SLC35F4: variants seen among roughly 807,000 people sequenced by gnomAD.
SLC35F4 encodes the protein chromosome 14 open reading frame 36.
A neutral mutation model predicts 44.2 loss-of-function variants in SLC35F4; 24 were observed. The observed-to-expected ratio is 0.54, with a 90% CI of 0.39 to 0.76. SLC35F4 has a LOEUF of 0.76. SLC35F4 is among the 30% of genes least tolerant of loss of function. SLC35F4 has a pLI of 0.00. For missense variants in SLC35F4, 562 were observed against 586.1 expected, an observed-to-expected ratio of 0.96 and a Z score of 0.42; for synonymous variants, 238 against 223.6, an observed-to-expected ratio of 1.06 and a Z score of -0.57.
chr14:57,867,596 C>G (rs1888203359), upstream of SLC35F4, among the ~76,000 whole-genome samples: 1 of 109,864 alleles, frequency 9.1e-6, no homozygotes, highest in East Asian at 5.5e-4. Context: ...AGCGTTATGC[C>G]TTTACACCCC....
At position 57,722,563 on chromosome 14, in the gene SLC35F4, T is replaced by C. The variant is rs149735005; in HGVS notation, c.104-128439A>G. On this transcript the variant is annotated intron_variant, in intron 1 of 7. Transcript: ENST00000556826. ...CAGTCACTCAACTACAAAATTTAAC[T>C]GCAATGGGAGTAATTGGATCCCATG... Among the ~76,000 whole-genome samples, 1,499 of 152,282 alleles carry C rather than the reference T, an allele frequency of 9.8e-3. 5 individuals are homozygous for C. Among genetic ancestry groups the C allele is most frequent in the Middle Eastern group, 0.041 (12 of 294 alleles).
At chr14:57,617,013 T>G (rs1197891734) in intron 1 of SLC35F4, among the ~76,000 whole-genome samples, 6 of 152,166 alleles carry the variant, frequency 3.9e-5, no homozygotes, top group Admixed American at 1.3e-4. Flanking sequence ...ACAGCGTGAA[T>G]GTTAAGTCAG....
At chr14:57,793,507 G>T (rs932063235) in intron 1 of SLC35F4, among the ~76,000 whole-genome samples, 3 of 151,998 alleles carry the variant, frequency 2.0e-5, no homozygotes, top group African/African-American at 4.8e-5. Flanking sequence ...TTGGTTTTCT[G>T]TTCCTGAGTT....
chr14:57,690,728 C>T (rs927716818), intron 1 of SLC35F4, among the ~76,000 whole-genome samples: 2 of 151,896 alleles, frequency 1.3e-5, no homozygotes, highest in African/African-American at 2.4e-5. Flanking sequence ...ATGGGAGACA[C>T]TGACAGATCA....
At chr14:57,903,337 C>A (rs140720958) in intron 1 of SLC35F4, among the ~76,000 whole-genome samples, 2 of 152,154 alleles carry the variant, frequency 1.3e-5, no homozygotes, top group African/African-American at 4.8e-5. Flanking sequence ...TTGCTAAAGG[C>A]AAGCCAGACC....
chr14:57,718,066 T>C lies in SLC35F4; in HGVS notation c.104-123942A>G, dbSNP rs1025621251. The stretch of plus-strand genomic sequence containing the variant: ...TCTGGTAACCACCCTTTATTCTCTA[T>C]CTCCATGAATTCAATTGTTTTGATT... On this transcript the variant is annotated intron_variant, in intron 1 of 7. Coordinates refer to ENST00000556826, the MANE Select transcript of SLC35F4 (RefSeq NM_001306087.2). Among the ~76,000 whole-genome samples the C allele has an allele frequency of 7.2e-5, 11 of 152,302 alleles. No homozygotes were observed. The South Asian group carries it at 2.3e-3, about 32-fold the overall frequency.
At chr14:57,973,942 T>C (rs1276026851), downstream of SLC35F4, among the ~76,000 whole-genome samples, 1 of 152,134 alleles carries the variant, frequency 6.6e-6, no homozygotes, top group African/African-American at 2.4e-5. Context: ...ACTATCACCA[T>C]CACTCTCCAA....
chr14:57,747,554 C>A (rs373469581), intron 1 of SLC35F4, among the ~76,000 whole-genome samples: 2 of 152,118 alleles, frequency 1.3e-5, no homozygotes, highest in Non-Finnish European at 2.9e-5. Flanking sequence ...CAATTGGCAA[C>A]CCTTGGGCAA....
chr14:57,786,786 C>T (rs1389878406), intron 1 of SLC35F4, among the ~76,000 whole-genome samples: 1 of 152,142 alleles, frequency 6.6e-6, no homozygotes, highest in Non-Finnish European at 1.5e-5. Flanking sequence ...CTAGACCTTC[C>T]CTCTGACAGA....
At chr14:57,623,087 C>G (rs1003779804) in intron 1 of SLC35F4, among the ~76,000 whole-genome samples, 1 of 152,020 alleles carries the variant, frequency 6.6e-6, no homozygotes, top group African/African-American at 2.4e-5. Context: ...GCAAATCACA[C>G]ATAGGCTCTA....
Position 57,816,421 on chromosome 14 carries a change from T to G in SLC35F4, c.103+49302A>C, listed in dbSNP as rs188324146. ...AATGAACCTCCCTATAGTCTAAATTTCCACTATTCAGAAACCTTAGCTCAG... is the reference window on the plus strand; with the variant it reads ...AATGAACCTCCCTATAGTCTAAATTGCCACTATTCAGAAACCTTAGCTCAG... On this transcript the variant is annotated intron_variant, in intron 1 of 7. Transcript: ENST00000556826. Among the ~76,000 whole-genome samples, 5 of 152,186 alleles carry G rather than the reference T, an allele frequency of 3.3e-5. No homozygotes were observed. The East Asian group carries it at 7.7e-4, about 24-fold the overall frequency.
intron 1 of SLC35F4, among the ~76,000 whole-genome samples, chr14:57,930,238 A>T (rs1391968070): frequency 6.6e-6 from 1 of 152,214 alleles, no homozygotes; most frequent in African/African-American, 2.4e-5. Context: ...TCATTGAGCA[A>T]GAAGGAACTG....
At chr14:57,765,238 G>C (rs1215820158) in intron 1 of SLC35F4, among the ~76,000 whole-genome samples, 1 of 152,240 alleles carries the variant, frequency 6.6e-6, no homozygotes, top group Non-Finnish European at 1.5e-5. Context: ...TAAAGGGCAA[G>C]ATGTAGATAG....
At position 57,569,723 on chromosome 14, in the gene SLC35F4, G is replaced by T. The variant is rs1470429420; in HGVS notation, c.1126+65C>A. ...TTACCCAAGGAAATAATCCTATGAT[G>T]ATAATCTAACTAGCCAAAGAAAGAT... On this transcript the variant is annotated intron_variant, in intron 6 of 7. Transcript: ENST00000556826. 3 of 1,426,036 alleles carry T rather than the reference G, an allele frequency of 2.1e-6. No individual in the cohort carries two copies. In the African/African-American group the frequency reaches 4.3e-5, roughly 21 times the overall value. 88.3% of individuals were successfully genotyped at this position (1,426,036 alleles called of 1,614,324 possible). A position where few individuals can be genotyped will look rare whatever the true frequency, so the allele number is the denominator to read the frequency against.
chr14:57,738,494 T>G (rs1174497834), intron 1 of SLC35F4, among the ~76,000 whole-genome samples: 1 of 152,100 alleles, frequency 6.6e-6, no homozygotes, highest in African/African-American at 2.4e-5. Context: ...GGTCTGACTC[T>G]GCCTAGCTGG....
intron 1 of SLC35F4, among the ~76,000 whole-genome samples, chr14:57,646,388 T>C (rs1185161674): frequency 1.3e-5 from 2 of 152,236 alleles, no homozygotes; most frequent in African/African-American, 4.8e-5. Flanking sequence ...CCATTTCTTC[T>C]AGATTTTCTA....
At chr14:57,926,547 A>G (rs1186313157) in intron 1 of SLC35F4, among the ~76,000 whole-genome samples, 1 of 152,168 alleles carries the variant, frequency 6.6e-6, no homozygotes, top group East Asian at 1.9e-4. Flanking sequence ...CTGATACTAG[A>G]AAGCAAGTTG....
At chr14:57,926,207 G>A (rs1889565816) in intron 1 of SLC35F4, among the ~76,000 whole-genome samples, 1 of 152,196 alleles carries the variant, frequency 6.6e-6, no homozygotes, top group Non-Finnish European at 1.5e-5. Context: ...AAGCCCTGGA[G>A]GCAGAGCCTC....
chr14:57,627,092 T>G (rs895058707), intron 1 of SLC35F4, among the ~76,000 whole-genome samples: 2 of 152,140 alleles, frequency 1.3e-5, no homozygotes, highest in African/African-American at 4.8e-5. Context: ...AACATATGAT[T>G]TTGTATATAA....
Sources: allele counts gnomAD v4.1 joint callset (sites outside exome capture counted in the v4.1 genomes callset), GRCh38; gene constraint gnomAD v4.1.1; transcripts MANE v1.5; gene names NCBI Gene and HGNC (gene_info 2026-07-23, HGNC 2026-07-21).